CCNY: variants seen among roughly 807,000 people sequenced by gnomAD.
CCNY encodes cyclin-Y.
Under a neutral mutation model 42.8 loss-of-function variants are expected in CCNY, and 19 were observed. The ratio of observed to expected loss-of-function variants is 0.44; its 90% confidence interval spans 0.31 to 0.65. The LOEUF (loss-of-function observed/expected upper bound fraction) is 0.65. CCNY is among the 30% of genes least tolerant of loss of function. The pLI is 0.07. For missense variants in CCNY, 370 were observed against 437.3 expected (o/e 0.85, Z 1.37); for synonymous variants, 165 against 162.7 (o/e 1.01, Z -0.11).
At chr10:35,547,775 C>T (rs552383389) in intron 7 of CCNY, among the ~76,000 whole-genome samples, 7 of 152,228 alleles carry the variant, frequency 4.6e-5, no homozygotes, top group East Asian at 3.9e-4. Context: ...CACGCTCTGC[C>T]GGCCCCTGGG....
intron 1 of CCNY, among the ~76,000 whole-genome samples, chr10:35,479,998 T>G (rs572821650): frequency 1.8e-4 from 27 of 152,188 alleles, no homozygotes; most frequent in African/African-American, 6.3e-4. Flanking sequence ...TTTCCCCTTT[T>G]TTTTTTTGTT....
intron 8 of CCNY, among the ~76,000 whole-genome samples, chr10:35,557,687 C>T (rs1052505957): frequency 5.9e-5 from 9 of 151,994 alleles, no homozygotes; most frequent in South Asian, 4.1e-4. Context: ...GCCCAGGAGG[C>T]GGAGGTTGCA....
chr10:35,469,052 G>C (rs948623540), intron 1 of CCNY, among the ~76,000 whole-genome samples: 1 of 152,216 alleles, frequency 6.6e-6, no homozygotes, highest in Non-Finnish European at 1.5e-5. Context: ...TTCAAACCAA[G>C]ATACTTCTGA....
intron 3 of CCNY, among the ~76,000 whole-genome samples, chr10:35,296,319 C>A (rs1361397613): frequency 6.6e-6 from 1 of 152,206 alleles, no homozygotes; most frequent in East Asian, 1.9e-4. Context: ...GTGGCTCACG[C>A]CTGTAATTTC....
intron 3 of CCNY, among the ~76,000 whole-genome samples, chr10:35,283,415 TTTA>T (rs990475890): frequency 6.6e-6 from 1 of 152,214 alleles, no homozygotes; most frequent in African/African-American, 2.4e-5. Context: ...TTTTTTTTTT[TTTA>T]GAGACTGAGT....
intron 1 of CCNY, among the ~76,000 whole-genome samples, chr10:35,349,784 A>G (rs1836389107): frequency 6.6e-6 from 1 of 152,188 alleles, no homozygotes; most frequent in Admixed American, 6.5e-5. Context: ...AGCACCCTCC[A>G]TAACAACAAC....
At chr10:35,441,123 T>A (rs993288972) in intron 1 of CCNY, among the ~76,000 whole-genome samples, 1 of 152,178 alleles carries the variant, frequency 6.6e-6, no homozygotes, top group African/African-American at 2.4e-5. Flanking sequence ...TGGGGCCCCA[T>A]GTGGTATGAG....
chr10:35,347,532 T>C (rs1198538265), intron 1 of CCNY: 2 of 573,414 alleles, frequency 3.5e-6, no homozygotes, highest in East Asian at 2.9e-4. Context: ...AAGCAAGTTC[T>C]TTATTTTGGG....
rs191006038 is a variant in CCNY, at chr10:35,412,902, G to A, written c.155-70502G>A. Among the ~76,000 whole-genome samples the A allele has an allele frequency of 2.7e-3, 404 of 147,828 alleles. 2 individuals carry two copies. Among genetic ancestry groups the A allele is most frequent in the Non-Finnish European group, 3.3e-3 (224 of 67,144 alleles). On this transcript the variant is annotated intron_variant, in intron 1 of 9. Transcript: ENST00000374704. The stretch of plus-strand genomic sequence containing the variant: ...AAAAAAAAAAAAGAATTTGCGCGGC[G>A]GGCAAGAGGATGTGGATCACGCTTT...
chr10:35,431,282 T>C (rs192062417), intron 1 of CCNY, among the ~76,000 whole-genome samples: 1 of 150,404 alleles, frequency 6.6e-6, no homozygotes, highest in Non-Finnish European at 1.5e-5. Context: ...GTGAAATTGC[T>C]CACACTTGGA....
intron 3 of CCNY, among the ~76,000 whole-genome samples, chr10:35,285,371 G>A (rs1835341492): frequency 6.6e-6 from 1 of 152,014 alleles, no homozygotes; most frequent in South Asian, 2.1e-4. Context: ...TTTGAACTGA[G>A]TTTCTCGTAG....
At chr10:35,309,660 A>G (rs115549350) in intron 3 of CCNY, among the ~76,000 whole-genome samples, 4,165 of 152,106 alleles carry the variant, frequency 0.027, 203 homozygotes, top group African/African-American at 0.094. Flanking sequence ...GGCTCAAGTG[A>G]TTCTCCTGTC....
intron 3 of CCNY, among the ~76,000 whole-genome samples, chr10:35,323,692 G>A (rs572085043): frequency 6.6e-6 from 1 of 152,080 alleles, no homozygotes; most frequent in Admixed American, 6.6e-5. Context: ...TTGTGGTGAT[G>A]GTGGTTACAT....
intron 3 of CCNY, among the ~76,000 whole-genome samples, chr10:35,255,317 AT>A (rs1293410503): frequency 7.3e-6 from 1 of 137,142 alleles, no homozygotes; most frequent in Non-Finnish European, 1.6e-5. Flanking sequence ...GATATTTATA[AT>A]TTTTTTCTTT....
At chr10:35,251,296 A>T (rs992383817) in intron 3 of CCNY, among the ~76,000 whole-genome samples, 1 of 152,174 alleles carries the variant, frequency 6.6e-6, no homozygotes, top group Non-Finnish European at 1.5e-5. Context: ...ATAATATTAA[A>T]TTCCTTAGTG....
intron 3 of CCNY, among the ~76,000 whole-genome samples, chr10:35,330,898 A>G (rs1356821261): frequency 2.0e-5 from 3 of 152,092 alleles, no homozygotes; most frequent in Non-Finnish European, 4.4e-5. Context: ...CTGGGATTAC[A>G]GGCATGCGGC....
intron 1 of CCNY, among the ~76,000 whole-genome samples, chr10:35,422,208 A>G (rs1053485973): frequency 5.3e-5 from 8 of 152,176 alleles, no homozygotes; most frequent in African/African-American, 1.7e-4. Flanking sequence ...ACAGTCGTCA[A>G]TAAAACATTA....
At chr10:35,378,723 C>T (rs538618366) in intron 1 of CCNY, among the ~76,000 whole-genome samples, 11 of 152,064 alleles carry the variant, frequency 7.2e-5, no homozygotes, top group African/African-American at 2.2e-4. Context: ...CTGCCCCGTT[C>T]GATCCTTACC....
chr10:35,507,663 A>T (rs1840241691), intron 3 of CCNY, among the ~76,000 whole-genome samples: 2 of 152,196 alleles, frequency 1.3e-5, no homozygotes, highest in African/African-American at 2.4e-5. Context: ...TTTCTGTGGT[A>T]TGGGTTTCAC....
Sources: allele counts gnomAD v4.1 joint callset (sites outside exome capture counted in the v4.1 genomes callset), GRCh38; gene constraint gnomAD v4.1.1; transcripts MANE v1.5; gene names NCBI Gene and HGNC (gene_info 2026-07-23, HGNC 2026-07-21).